Variants in UBR3 observed in about 807,000 individuals in gnomAD.
The protein encoded by UBR3 is E3 ubiquitin-protein ligase UBR3.
Under a neutral mutation model 243.2 loss-of-function variants are expected in UBR3, and 85 were observed. The observed-to-expected ratio is 0.35, with a 90% CI of 0.29 to 0.42. UBR3 has a LOEUF of 0.42. UBR3 is among the 10% of genes least tolerant of loss of function. The pLI is 1.00. For synonymous variants in UBR3, 748 were observed against 799.8 expected (o/e 0.94, Z 1.09); for missense variants, 1,686 against 2,300.8 (o/e 0.73, Z 5.47).
intron 23 of UBR3, among the ~76,000 whole-genome samples, chr2:169,953,963 C>T (rs1047304645): frequency 1.3e-5 from 2 of 152,142 alleles, no homozygotes; most frequent in African/African-American, 4.8e-5. Context: ...TTCTTTGCTT[C>T]CATTTCTTCC....
At chr2:170,059,192 A>G (rs2091406067) in intron 33 of UBR3, among the ~76,000 whole-genome samples, 1 of 150,162 alleles carries the variant, frequency 6.7e-6, no homozygotes, top group Non-Finnish European at 1.5e-5. Context: ...AGCAGTGAAC[A>G]TTACATTATA....
Position 169,827,770 on chromosome 2 carries a change from A to G in UBR3, c.263A>G (p.Glu88Gly). The G allele has an allele frequency of 7.5e-7, 1 of 1,325,040 alleles. No homozygotes were observed. The allele number at this position is 1,325,040 out of a possible 1,614,324, so 82.1% of individuals were successfully genotyped here. The change falls in exon 1 of 39, where the codon GAG (glutamate) becomes GGG (glycine). Residue 88 changes from glutamate to glycine, a missense_variant. Glu to Gly is a moderately conservative substitution (Grantham distance 98). Transcript: ENST00000272793. Reference sequence around the variant, plus strand: ...GGGGGCGGTCCGGGGGCGGCCGAGGAGGAGGCCCTGGAGTGGTGTAAGTGC... The same window carrying G: ...GGGGGCGGTCCGGGGGCGGCCGAGGGGGAGGCCCTGGAGTGGTGTAAGTGC... ...GGGGGPGAAE[E>G]EALEWCKCLL...
chr2:170,012,631 GC>G (rs1334919650), intron 29 of UBR3, among the ~76,000 whole-genome samples: 3 of 151,212 alleles, frequency 2.0e-5, no homozygotes, highest in Non-Finnish European at 4.4e-5. Flanking sequence ...AAGTTGAATT[GC>G]CTCTTGTATA....
intron 24 of UBR3, among the ~76,000 whole-genome samples, chr2:169,976,307 A>AT (rs543557498): frequency 0.013 from 1,845 of 140,032 alleles, 14 homozygotes; most frequent in Non-Finnish European, 0.015. Flanking sequence ...ATAATGTTTG[A>AT]TTTTTTTTTT....
Position 169,886,044 on chromosome 2 carries a change from C to T in UBR3, c.1039-5121C>T, listed in dbSNP as rs188504283. Among the ~76,000 whole-genome samples, 145 of 151,546 alleles carry T rather than the reference C, an allele frequency of 9.6e-4. 1 individual carries two copies. Among genetic ancestry groups the T allele is most frequent in the Non-Finnish European group, 2.0e-3 (133 of 67,942 alleles). On this transcript the variant is annotated intron_variant, in intron 5 of 38. Transcript: ENST00000272793. Reference sequence around the variant, plus strand: ...TGATGGCACGCGTTTGTAGTCCCATCAACTGGGGAGGCTGAGGCAGGAGAA... The same window carrying T: ...TGATGGCACGCGTTTGTAGTCCCATTAACTGGGGAGGCTGAGGCAGGAGAA...
At chr2:169,843,262 C>G (rs747824066) in intron 1 of UBR3, among the ~76,000 whole-genome samples, 27 of 152,310 alleles carry the variant, frequency 1.8e-4, no homozygotes, top group Non-Finnish European at 2.8e-4. Context: ...AGTTTGAAGG[C>G]TGGGAAGTCC....
At chr2:170,080,086 C>A in intron 37 of UBR3, 63 bp downstream of exon 37, 2 of 1,427,082 alleles carry the variant, frequency 1.4e-6, no homozygotes, top group South Asian at 2.6e-5. Context: ...AAAATATGGT[C>A]AAGCCATCTC....
At chr2:169,947,970 A>T in intron 22 of UBR3, 1 of 984,212 alleles carries the variant, frequency 1.0e-6, no homozygotes, top group Non-Finnish European at 1.2e-6. Flanking sequence ...TTAACTAGCA[A>T]CATGGCTTTA....
chr2:170,080,836 G>C, intron 38 of UBR3, 152 bp downstream of exon 38: 2 of 886,278 alleles, frequency 2.3e-6, no homozygotes, highest in South Asian at 4.2e-5. Context: ...TTGAGCTATT[G>C]TCCCTATCAA....
At position 169,885,307 on chromosome 2, in the gene UBR3, C is replaced by T. The variant is rs540839947; in HGVS notation, c.1039-5858C>T. ...ACAATTAAAAGATATTTTGGCTGGG[C>T]GCAGTAGCTCATGCCTGTAATCCCA... On this transcript the variant is annotated intron_variant, in intron 5 of 38. Transcript: ENST00000272793. Among the ~76,000 whole-genome samples, 15 of 152,228 alleles carry T rather than the reference C, an allele frequency of 9.9e-5. 1 individual carries two copies. Among genetic ancestry groups the T allele is most frequent in the East Asian group, 1.9e-4 (1 of 5,182 alleles).
chr2:169,909,983 CTGTGT>C (rs1381784102), intron 10 of UBR3, among the ~76,000 whole-genome samples: 1 of 151,936 alleles, frequency 6.6e-6, no homozygotes, highest in Non-Finnish European at 1.5e-5. Flanking sequence ...TTTTGAGTAA[CTGTGT>C]ATGGAAGTGC....
At chr2:169,908,955 G>C (rs4668183) in intron 10 of UBR3, among the ~76,000 whole-genome samples, 150,747 of 152,024 alleles carry the variant, frequency 0.99, 74,751 homozygotes, top group Middle Eastern at 1. Flanking sequence ...TCCCGAGTAG[G>C]TGGGACTACA....
At chr2:169,851,708 A>T (rs1223946995) in intron 1 of UBR3, among the ~76,000 whole-genome samples, 1 of 151,918 alleles carries the variant, frequency 6.6e-6, no homozygotes, top group Non-Finnish European at 1.5e-5. Flanking sequence ...TACTAAAAAT[A>T]CAAAAACTAG....
chr2:169,914,439 G>A (rs1467219129), intron 11 of UBR3, among the ~76,000 whole-genome samples: 1 of 152,090 alleles, frequency 6.6e-6, no homozygotes, highest in Non-Finnish European at 1.5e-5. Flanking sequence ...ATTTCTCAGG[G>A]TGAAATAGTT....
chr2:169,951,798 G>A (rs769648051), intron 23 of UBR3, among the ~76,000 whole-genome samples: 3 of 152,082 alleles, frequency 2.0e-5, no homozygotes, highest in African/African-American at 4.8e-5. Flanking sequence ...AATAAAGAGA[G>A]GAGGAGATGT....
At chr2:170,074,257 T>C (rs7569112) in intron 36 of UBR3, among the ~76,000 whole-genome samples, 66,300 of 152,032 alleles carry the variant, frequency 0.44, 15,566 homozygotes, top group Non-Finnish European at 0.54. Flanking sequence ...ACTATTTTTC[T>C]GATTGTAAAA....
At chr2:169,924,777 G>A (rs2085842567) in intron 13 of UBR3, among the ~76,000 whole-genome samples, 1 of 152,188 alleles carries the variant, frequency 6.6e-6, no homozygotes, top group African/African-American at 2.4e-5. Flanking sequence ...GCTCACGCCT[G>A]TAATTCCAGC....
At chr2:169,833,425 C>G (rs150953536) in intron 1 of UBR3, among the ~76,000 whole-genome samples, 5 of 152,198 alleles carry the variant, frequency 3.3e-5, no homozygotes, top group African/African-American at 7.2e-5. Flanking sequence ...CCACATTTTG[C>G]TATTAGCCAG....
At chr2:170,057,273 C>T (rs1256447307) in intron 33 of UBR3, among the ~76,000 whole-genome samples, 3 of 151,768 alleles carry the variant, frequency 2.0e-5, no homozygotes, top group African/African-American at 7.3e-5. Context: ...TGTGCCACCA[C>T]ACACAGCTGA....
Sources: allele counts gnomAD v4.1 joint callset (sites outside exome capture counted in the v4.1 genomes callset), GRCh38; gene constraint gnomAD v4.1.1; transcripts MANE v1.5; gene names NCBI Gene and HGNC (gene_info 2026-07-23, HGNC 2026-07-21).